The following CNIH4 variants were observed in gnomAD, a reference collection of about 807,000 sequenced individuals.
CNIH4 encodes the protein cornichon family member 4.
In CNIH4, 9 loss-of-function variants were observed where a neutral mutation model predicts 21.5. That is an observed-to-expected ratio of 0.42 (90% CI 0.25 to 0.73). The LOEUF (loss-of-function observed/expected upper bound fraction) is 0.73. Ranked by LOEUF, CNIH4 falls within the 30% of genes least tolerant of loss-of-function variation. CNIH4 has a pLI of 0.27. For synonymous variants in CNIH4, 67 were observed against 59.1 expected (o/e 1.13, Z -0.61); for missense variants, 159 against 170.0 (o/e 0.94, Z 0.36).
chr1:224,356,824 A>G (rs997381222), upstream of CNIH4: 4 of 952,606 alleles, frequency 4.2e-6, no homozygotes, highest in Non-Finnish European at 6.6e-6. Context: ...CCAGGATTCG[A>G]GGACCACACG....
At chr1:224,357,600 G>C (rs1040717093) in intron 1 of CNIH4, 6 of 152,288 alleles carry the variant, frequency 3.9e-5, no homozygotes, top group African/African-American at 1.4e-4. Context: ...TTCCTTCACT[G>C]TGCCGTTTTG....
chr1:224,363,695 C>CT (rs368549582), intron 2 of CNIH4, among the ~76,000 whole-genome samples: 1 of 152,060 alleles, frequency 6.6e-6, no homozygotes. Flanking sequence ...CTTTTCCTTT[C>CT]TTTTTTTCCC....
At chr1:224,361,785 A>ATGT (rs777436130) in intron 2 of CNIH4, among the ~76,000 whole-genome samples, 12 of 151,556 alleles carry the variant, frequency 7.9e-5, no homozygotes, top group South Asian at 2.1e-4. Context: ...GGGTTTCACT[A>ATGT]TGTTGCCCAG....
intron 3 of CNIH4, among the ~76,000 whole-genome samples, chr1:224,367,748 G>A (rs1317863598): frequency 6.6e-6 from 1 of 152,096 alleles, no homozygotes; most frequent in Non-Finnish European, 1.5e-5. Context: ...ATAGACCAAC[G>A]CCCTAAAGTG....
rs1672749080 is a variant in CNIH4 at position 224,375,326 on chromosome 1, G to T, written c.393-469G>T. Among the ~76,000 whole-genome samples, 7 of 152,212 alleles carry T rather than the reference G, an allele frequency of 4.6e-5. No homozygotes were observed. In the South Asian group the frequency reaches 1.4e-3, roughly 32 times the overall value. ...GCAACTGCCCTGGGCTGAGAGGCCA[G>T]CTTCCCCAACGAGGTGCCCTAGAGC... On this transcript the variant is annotated intron_variant, in intron 4 of 4. Transcript: ENST00000465271.
Position 224,356,945 on chromosome 1 carries a change from C to T in CNIH4, c.21C>T (p.Val7=), listed in dbSNP as rs1310706780. 3 of 1,611,712 alleles carry T rather than the reference C, an allele frequency of 1.9e-6. No homozygotes were observed. The highest frequency in any genetic ancestry group is 1.1e-5 in the South Asian group (1 of 90,444). Residue 7 remains valine (V), a synonymous_variant, in exon 1 of 5, where the codon GTC becomes GTT. Coordinates refer to ENST00000465271, the MANE Select transcript of CNIH4 (RefSeq NM_014184.4). Reference sequence around the variant, plus strand: ...GGAGGATGGAGGCGGTGGTGTTCGTCTTCTCTCTCCTCGATTGTTGCGCGC... The same window carrying T: ...GGAGGATGGAGGCGGTGGTGTTCGTTTTCTCTCTCCTCGATTGTTGCGCGC... The part of the protein sequence containing the change: MEAVVF[V]FSLLDCCALI...
intron 2 of CNIH4, among the ~76,000 whole-genome samples, chr1:224,360,974 C>T: frequency 6.6e-6 from 1 of 151,770 alleles, no homozygotes; most frequent in East Asian, 1.9e-4. Flanking sequence ...ATGTATGACT[C>T]TTTATTTATT....
Position 224,376,610 on chromosome 1 carries a change from A to G in CNIH4, c.*788A>G, listed in dbSNP as rs1000050423. The stretch of plus-strand genomic sequence containing the variant: ...TTCATGGGTTTGGGTAGAAGATGCT[A>G]ATCAGATTAGAAGCAGGAATAGTTA... On this transcript the variant is annotated 3_prime_UTR_variant, in exon 5 of 5. Coordinates refer to ENST00000465271, the MANE Select transcript of CNIH4 (RefSeq NM_014184.4). The G allele has an allele frequency of 2.0e-6, 2 of 985,406 alleles. No individual in the cohort carries two copies. Among genetic ancestry groups the G allele is most frequent in the Non-Finnish European group, 2.4e-6 (2 of 829,938 alleles). The allele number at this position is 985,406 out of a possible 1,614,324, so 61.0% of individuals were successfully genotyped here.
chr1:224,359,400 G>C (rs1453935669), intron 1 of CNIH4, among the ~76,000 whole-genome samples: 1 of 152,132 alleles, frequency 6.6e-6, no homozygotes, highest in East Asian at 1.9e-4. Context: ...GTAGTATTTA[G>C]AAGAAATGAT....
At chr1:224,365,857 A>C in intron 2 of CNIH4, 22 bp from the exon 3 acceptor site, 5 of 1,326,936 alleles carry the variant, frequency 3.8e-6, no homozygotes, top group Non-Finnish European at 5.4e-6. Flanking sequence ...GTGAGATGTA[A>C]TACTGTGTTC....
In CNIH4 at chr1:224,375,929, T is replaced by C. The variant is rs1418992527; in HGVS notation, c.*107T>C. ...ACCGTGACCATAGCAGTATATATTT[T>C]CCTCTTGGAACAAAAAACTATTTTT... is the stretch of plus-strand genomic sequence containing the variant. On this transcript the variant is annotated 3_prime_UTR_variant, in exon 5 of 5. Coordinates refer to ENST00000465271, the MANE Select transcript of CNIH4 (RefSeq NM_014184.4). The C allele has an allele frequency of 1.6e-5, 23 of 1,432,096 alleles. No homozygotes were observed. Among genetic ancestry groups the C allele is most frequent in the Non-Finnish European group, 1.9e-5 (21 of 1,084,262 alleles). 88.7% of individuals were successfully genotyped at this position (1,432,096 alleles called of 1,614,324 possible). A position where few individuals can be genotyped will look rare whatever the true frequency, so the allele number is the denominator to read the frequency against.
chr1:224,372,916 A>G (rs1672675136), intron 4 of CNIH4, among the ~76,000 whole-genome samples: 2 of 152,002 alleles, frequency 1.3e-5, no homozygotes, highest in South Asian at 2.1e-4. Context: ...TTTTTTTGAA[A>G]TAGTTTAGAA....
Position 224,365,797 on chromosome 1 carries a change from G to T in CNIH4, c.139-82G>T, listed in dbSNP as rs191005062. On this transcript the variant is annotated intron_variant, in intron 2 of 4. Transcript: ENST00000465271. ...ACAGTAGCTTGTAAATTCTCTGTAC[G>T]TTCATTGATTTAGTTTCAAATAACA... 5.8e-4 allele frequency: 508 copies of T among 878,526 alleles called. 1 individual carries two copies. Among genetic ancestry groups the T allele is most frequent in the Admixed American group, 1.3e-3 (76 of 57,718 alleles). The allele number at this position is 878,526 out of a possible 1,614,324, so 54.4% of individuals were successfully genotyped here. A position where few individuals can be genotyped will look rare whatever the true frequency, so the allele number is the denominator to read the frequency against.
chr1:224,360,853 T>C (rs1457168308), intron 2 of CNIH4, among the ~76,000 whole-genome samples: 2 of 152,224 alleles, frequency 1.3e-5, no homozygotes, highest in East Asian at 3.9e-4. Context: ...GTTTTTGTCT[T>C]CTGCGTTGGA....
chr1:224,358,048 G>GT (rs1672168337), intron 1 of CNIH4, among the ~76,000 whole-genome samples: 77 of 152,380 alleles, frequency 5.1e-4, no homozygotes, highest in Admixed American at 5.0e-3. Context: ...CTTTAGGATA[G>GT]TCGTACAGAG....
chr1:224,360,335 A>G (rs897010379), intron 1 of CNIH4, among the ~76,000 whole-genome samples, 160 bp from the exon 2 acceptor site: 2 of 152,192 alleles, frequency 1.3e-5, no homozygotes, highest in Admixed American at 6.5e-5. Flanking sequence ...TTGAAGGAAC[A>G]TGAATGGGAA....
At chr1:224,371,648 T>C (rs1672632770) in intron 4 of CNIH4, among the ~76,000 whole-genome samples, 1 of 152,150 alleles carries the variant, frequency 6.6e-6, no homozygotes, top group Non-Finnish European at 1.5e-5. Flanking sequence ...TTTGAGGCTA[T>C]CCACATGCTT....
chr1:224,367,204 A>G (rs114282242), intron 3 of CNIH4, among the ~76,000 whole-genome samples: 2,903 of 152,240 alleles, frequency 0.019, 25 homozygotes, highest in Non-Finnish European at 0.03. Context: ...ATTTTTATTT[A>G]TGTCTAGTTT....
rs551611142 is a variant in CNIH4, at chr1:224,359,992, G to A, written c.70-503G>A. 3.9e-5 allele frequency among the ~76,000 whole-genome samples: 6 copies of A among 152,258 alleles called. No individual in the cohort carries two copies. In the East Asian group the frequency reaches 1.2e-3, roughly 29 times the overall value. On this transcript the variant is annotated intron_variant, in intron 1 of 4. Transcript: ENST00000465271. ...ACTAAAAATACAAAAAATTAGCTGG[G>A]TGTGGTGGTGGCGCGCACCTATAGT...
Sources: allele counts gnomAD v4.1 joint callset (sites outside exome capture counted in the v4.1 genomes callset), GRCh38; gene constraint gnomAD v4.1.1; transcripts MANE v1.5; gene names NCBI Gene and HGNC (gene_info 2026-07-23, HGNC 2026-07-21).